The following ANKRD44 variants were observed in gnomAD, a reference collection of about 807,000 sequenced individuals.
ANKRD44 encodes ankyrin repeat domain 44.
Under a neutral mutation model 116.0 loss-of-function variants are expected in ANKRD44, and 35 were observed. The observed-to-expected ratio is 0.30, with a 90% CI of 0.23 to 0.40. The LOEUF (loss-of-function observed/expected upper bound fraction) is 0.40, where lower values mean the gene tolerates loss of function less well. Ranked by LOEUF, ANKRD44 falls within the 10% of genes least tolerant of loss-of-function variation. ANKRD44 has a pLI of 1.00. For missense variants in ANKRD44, 1,014 were observed against 1,242.6 expected (o/e 0.82, Z 2.77); for synonymous variants, 435 against 461.8 (o/e 0.94, Z 0.74).
chr2:197,006,701 T>C (rs2076208638), intron 20 of ANKRD44, among the ~76,000 whole-genome samples: 1 of 152,202 alleles, frequency 6.6e-6, no homozygotes, highest in South Asian at 2.1e-4. Flanking sequence ...ACTGTGACAA[T>C]GATCACATAG....
chr2:197,248,570 G>A (rs1432698972), intron 1 of ANKRD44, among the ~76,000 whole-genome samples: 34 of 113,460 alleles, frequency 3.0e-4, no homozygotes, highest in African/African-American at 5.4e-4. Flanking sequence ...GTGTGTGTGT[G>A]TGTGTGTGTA....
chr2:197,061,930 G>A lies in ANKRD44; in HGVS notation c.1650+16773C>T, dbSNP rs541413484. Among the ~76,000 whole-genome samples, 25 of 152,122 alleles carry A rather than the reference G, an allele frequency of 1.6e-4. 1 individual carries two copies. The South Asian group carries it at 2.9e-3, about 18-fold the overall frequency. ...CAAGTAGCTGGGATTACAGGCATGCGCCACCACTCCCAGCTAATTTTTGTA... is the reference window on the plus strand; with the variant it reads ...CAAGTAGCTGGGATTACAGGCATGCACCACCACTCCCAGCTAATTTTTGTA... On this transcript the variant is annotated intron_variant, in intron 16 of 27. Transcript: ENST00000282272.
At chr2:197,020,443 T>G (rs944362321) in intron 17 of ANKRD44, among the ~76,000 whole-genome samples, 2 of 152,206 alleles carry the variant, frequency 1.3e-5, no homozygotes, top group Non-Finnish European at 2.9e-5. Context: ...CTGGGCCACG[T>G]TGGAAGAATT....
intron 1 of ANKRD44, among the ~76,000 whole-genome samples, chr2:197,292,228 T>C (rs2083591035): frequency 6.6e-6 from 1 of 152,214 alleles, no homozygotes; most frequent in Non-Finnish European, 1.5e-5. Context: ...TTTCTAGTTC[T>C]AGATTCTTGA....
chr2:197,266,801 T>C (rs2082753696), intron 1 of ANKRD44, among the ~76,000 whole-genome samples: 1 of 152,134 alleles, frequency 6.6e-6, no homozygotes, highest in Non-Finnish European at 1.5e-5. Flanking sequence ...ATGACATTCA[T>C]AGAGTCAGTT....
intron 26 of ANKRD44, among the ~76,000 whole-genome samples, chr2:196,994,031 T>C (rs1468299850): frequency 6.6e-6 from 1 of 152,228 alleles, no homozygotes; most frequent in African/African-American, 2.4e-5. Context: ...TTCACACAGT[T>C]CAACAATATG....
Position 197,007,813 on chromosome 2 carries a change from T to A in ANKRD44, c.2123A>T (p.His708Leu), listed in dbSNP as rs530002074. 6.7e-5 allele frequency: 108 copies of A among 1,609,950 alleles called. No homozygotes were observed. The East Asian group carries it at 2.4e-3, about 35-fold the overall frequency. ...TGAGAAAGATGTACATACCCCTCTG[T>A]GTAAAGCTGTGCATCCTAGGATGTC... ...TVDILGCTALHRGIMTGHEEC... is the reference protein window; with the variant it reads ...TVDILGCTALLRGIMTGHEEC... The change falls in exon 20 of 28, where the codon CAC (histidine) becomes CTC (leucine). Residue 708 changes from histidine to leucine, a missense_variant. His to Leu is a moderately conservative substitution (Grantham distance 99). Transcript: ENST00000282272.
At chr2:197,251,352 C>G (rs2105661456) in intron 1 of ANKRD44, among the ~76,000 whole-genome samples, 1 of 151,778 alleles carries the variant, frequency 6.6e-6, no homozygotes, top group East Asian at 1.9e-4. Context: ...CTTTTTTTTC[C>G]TTTAGAATAA....
intron 1 of ANKRD44, among the ~76,000 whole-genome samples, chr2:197,206,609 G>T (rs1291570475): frequency 1.3e-5 from 2 of 152,126 alleles, no homozygotes; most frequent in Non-Finnish European, 2.9e-5. Context: ...CTTGAACCTG[G>T]GAGGCAGAGG....
At chr2:197,279,121 G>T (rs1192760559) in intron 1 of ANKRD44, among the ~76,000 whole-genome samples, 1 of 152,138 alleles carries the variant, frequency 6.6e-6, no homozygotes, top group Non-Finnish European at 1.5e-5. Flanking sequence ...TTTAAGAGTG[G>T]ATCGCATATC....
At chr2:197,172,903 C>T (rs2080276193) in intron 2 of ANKRD44, among the ~76,000 whole-genome samples, 1 of 152,134 alleles carries the variant, frequency 6.6e-6, no homozygotes, top group South Asian at 2.1e-4. Context: ...ACCCCTAGCA[C>T]AGCACCAGGA....
intron 1 of ANKRD44, chr2:197,302,417 T>G (rs1270300209): frequency 6.6e-6 from 1 of 152,206 alleles, no homozygotes; most frequent in East Asian, 1.9e-4. Flanking sequence ...GCCAAAAAGA[T>G]GACACAGTAC....
chr2:197,306,029 G>A (rs945668316), intron 1 of ANKRD44, among the ~76,000 whole-genome samples: 3 of 145,744 alleles, frequency 2.1e-5, no homozygotes, highest in African/African-American at 5.3e-5. Flanking sequence ...ATCATTCACC[G>A]GGGTGAGGAA....
At chr2:197,080,407 G>T (rs2077766142) in intron 15 of ANKRD44, among the ~76,000 whole-genome samples, 1 of 152,176 alleles carries the variant, frequency 6.6e-6, no homozygotes, top group South Asian at 2.1e-4. Flanking sequence ...GGCGTATCTG[G>T]ATACAGGGAG....
chr2:197,001,991 C>T (rs532722258), intron 21 of ANKRD44, 151 bp from the exon 22 acceptor site: 1 of 609,008 alleles, frequency 1.6e-6, no homozygotes. Context: ...TAACAAAATG[C>T]CAAAATGTTA....
At position 197,249,746 on chromosome 2, in the gene ANKRD44, G is replaced by A. The variant is rs541265705; in HGVS notation, c.27+60832C>T. On this transcript the variant is annotated intron_variant, in intron 1 of 27. Coordinates refer to ENST00000282272, the MANE Select transcript of ANKRD44 (RefSeq NM_001195144.2). ...TTATTTTGAGAATATTTATCATGTT[G>A]ATAATTAAAGCAAAAAAGTCCATCT... 5.9e-4 allele frequency among the ~76,000 whole-genome samples: 90 copies of A among 152,256 alleles called. 1 individual carries two copies. Among genetic ancestry groups the A allele is most frequent in the Non-Finnish European group, 1.1e-3 (77 of 68,014 alleles).
chr2:197,225,636 G>A (rs146868466), intron 1 of ANKRD44, among the ~76,000 whole-genome samples: 72 of 152,288 alleles, frequency 4.7e-4, no homozygotes, highest in Middle Eastern at 3.4e-3. Context: ...GAGCCACCAC[G>A]CCTGGCCAAT....
chr2:197,118,637 G>GAGAAAGAAAGAAAGAAAGAAAGAA lies in ANKRD44; in HGVS notation c.906+2671_906+2694dup, dbSNP rs71012953. On this transcript the variant is annotated intron_variant, in intron 8 of 27. Transcript: ENST00000282272. ...AGAAAGAGAGAGAGAGAGAGAGAGAGAGAAAGAAAGAAAGAAAGAAAGAAA... is the reference window on the plus strand; with the variant it reads ...AGAAAGAGAGAGAGAGAGAGAGAGAGAGAAAGAAAGAAAGAAAGAAAGAAAGAAAGAAAGAAAGAAAGAAAGAAA... Among the ~76,000 whole-genome samples, 157 of 112,424 alleles carry GAGAAAGAAAGAAAGAAAGAAAGAA rather than the reference G, an allele frequency of 1.4e-3. 3 individuals carry two copies. The highest frequency in any genetic ancestry group is 2.1e-3 in the African/African-American group (62 of 30,060). 73.8% of individuals were successfully genotyped at this position (112,424 alleles called of 152,430 possible).
At chr2:196,981,173 C>T (rs2075799007) in intron 21 of ANKRD44, among the ~76,000 whole-genome samples, 1 of 152,202 alleles carries the variant, frequency 6.6e-6, no homozygotes, top group Admixed American at 6.5e-5. Flanking sequence ...TCCTGACCCC[C>T]ATTGACTACC....
Sources: allele counts gnomAD v4.1 joint callset (sites outside exome capture counted in the v4.1 genomes callset), GRCh38; gene constraint gnomAD v4.1.1; transcripts MANE v1.5; gene names NCBI Gene and HGNC (gene_info 2026-07-23, HGNC 2026-07-21).